The following MOK variants were observed in gnomAD, a reference collection of about 807,000 sequenced individuals.
The protein encoded by MOK is MOK protein kinase, also known as MAPK/MAK/MRK overlapping kinase.
In MOK, 59 loss-of-function variants were observed where a neutral mutation model predicts 54.2. The ratio of observed to expected loss-of-function variants is 1.09; its 90% CI spans 0.88 to 1.35. The LOEUF is 1.35. MOK is among the 40% of genes most tolerant of loss of function. The probability of loss-of-function intolerance (pLI) is 0.00; values close to 1 mark genes in which losing one functional copy is unlikely to be tolerated. For missense variants in MOK, 517 were observed against 526.2 expected (o/e 0.98, Z 0.17); for synonymous variants, 210 against 202.7 (o/e 1.04, Z -0.31).
chr14:102,217,307 A>G, the MOK span, among the ~76,000 whole-genome samples: 1 of 152,194 alleles, frequency 6.6e-6, no homozygotes, highest in East Asian at 1.9e-4. Flanking sequence ...TGACTTGCAC[A>G]CGTTCTCTCT....
chr14:102,245,807 C>T lies in MOK; in HGVS notation c.590+5005G>A, dbSNP rs1178717547. ...ACTGCAGCCAAACTCTCAGGACATA[C>T]CCCCTAGTATCACCTTTCCAGGTTA... On this transcript the variant is annotated intron_variant, in intron 7 of 11. Transcript: ENST00000361847. This position sits in a 1 kb window ranked among gnomAD's most constrained non-coding sequence, Gnocchi z 4.3. 2.0e-5 allele frequency among the ~76,000 whole-genome samples: 3 copies of T among 152,126 alleles called. No homozygotes were observed. The highest frequency in any genetic ancestry group is 1.3e-4 in the Admixed American group (2 of 15,278).
At chr14:102,234,268 C>A (rs2065016441) in intron 7 of MOK, 1 of 161,068 alleles carries the variant, frequency 6.2e-6, no homozygotes. Flanking sequence ...CTCCCTCCCT[C>A]CCCTATCACC....
chr14:102,229,397 C>G (rs1251472185), intron 11 of MOK, 31 bp from the exon 12 acceptor site: 1 of 1,614,142 alleles, frequency 6.2e-7, no homozygotes, highest in East Asian at 2.2e-5. Flanking sequence ...ACACAAAATT[C>G]AGTGGCGGCC....
chr14:102,262,171 A>T (rs1279563659), intron 4 of MOK, among the ~76,000 whole-genome samples: 1 of 151,930 alleles, frequency 6.6e-6, no homozygotes, highest in African/African-American at 2.4e-5. Context: ...TTTGAGACAG[A>T]GTCTCGCTCT....
At chr14:102,256,347 G>A (rs563340990) in intron 4 of MOK, among the ~76,000 whole-genome samples, 3 of 151,850 alleles carry the variant, frequency 2.0e-5, no homozygotes, top group Non-Finnish European at 4.4e-5. Context: ...GGCGGATCAC[G>A]AGGTCAGGAG....
At chr14:102,283,423 T>C in intron 2 of MOK, 55 bp downstream of exon 2, 1 of 1,151,980 alleles carries the variant, frequency 8.7e-7, no homozygotes, top group Non-Finnish European at 1.3e-6. Flanking sequence ...TAAGTTGCCG[T>C]TATTGACTGA....
downstream of MOK, among the ~76,000 whole-genome samples, chr14:102,221,711 G>A (rs975407193): frequency 6.6e-6 from 1 of 152,200 alleles, no homozygotes; most frequent in Admixed American, 6.5e-5. The surrounding 1 kb of genome is among the most constrained non-coding windows in gnomAD (Gnocchi z 4.8). Flanking sequence ...CCAGGCTTCC[G>A]GCAGCAGGGC....
intron 7 of MOK, among the ~76,000 whole-genome samples, chr14:102,239,889 C>CAA (rs201282389): frequency 6.6e-6 from 1 of 150,942 alleles, no homozygotes; most frequent in African/African-American, 2.4e-5. Flanking sequence ...AAAAATCAAA[C>CAA]AAAAAAAAAC....
chr14:102,261,418 AATAT>A (rs1197835093), intron 4 of MOK, among the ~76,000 whole-genome samples: 4,780 of 42,566 alleles, frequency 0.11, 318 homozygotes, highest in Middle Eastern at 0.23. Context: ...AAAAAAAAAA[AATAT>A]ATATATATAT....
At position 102,232,670 on chromosome 14, in the gene MOK, C is replaced by A; in HGVS notation, c.731G>T (p.Gly244Val). The part of the protein sequence containing the change: ...AMNFDFPFKK[G>V]SGIPLLTTNL... ...GGTTGTTAGTAGAGGTATTCCTGAT[C>A]CCTTTTTAAAAGGAAAATCAAAATT... The change falls in exon 9 of 12, where the codon GGA (glycine) becomes GTA (valine). Residue 244 changes from glycine (G) to valine (V), a missense_variant. By Grantham distance (109) the Gly-to-Val change is moderately radical (BLOSUM62 -3). Transcript: ENST00000361847. This position sits in a 1 kb window ranked among gnomAD's most constrained non-coding sequence, Gnocchi z 5.1. The A allele has an allele frequency of 6.2e-7, 1 of 1,613,780 alleles. No homozygotes were observed. Among genetic ancestry groups the A allele is most frequent in the Non-Finnish European group, 8.5e-7 (1 of 1,179,820 alleles).
At chr14:102,293,883 G>A (rs1301152578) in intron 1 of MOK, among the ~76,000 whole-genome samples, 1 of 152,094 alleles carries the variant, frequency 6.6e-6, no homozygotes, top group Admixed American at 6.6e-5. Context: ...TGTGTGTAAA[G>A]GTGAACATTT....
intron 1 of MOK, among the ~76,000 whole-genome samples, chr14:102,300,995 T>C (rs2072128516): frequency 6.6e-6 from 1 of 152,170 alleles, no homozygotes; most frequent in Non-Finnish European, 1.5e-5. Context: ...CTCAGGAGGC[T>C]GAGACAGGAG....
At chr14:102,223,438 G>A (rs568407728), downstream of MOK, 1 of 152,844 alleles carries the variant, frequency 6.5e-6, no homozygotes, top group South Asian at 2.1e-4. Context: ...TTACTTTGCA[G>A]ATGGGTGTAA....
intron 1 of MOK, among the ~76,000 whole-genome samples, chr14:102,298,722 C>G (rs1485659305): frequency 6.6e-6 from 1 of 152,166 alleles, no homozygotes; most frequent in African/African-American, 2.4e-5. Context: ...ATGCTCCAGT[C>G]CCCTTCCACA....
intron 2 of MOK, among the ~76,000 whole-genome samples, chr14:102,267,391 CCCCGT>C (rs1459551670): frequency 6.6e-6 from 1 of 152,044 alleles, no homozygotes; most frequent in Non-Finnish European, 1.5e-5. Context: ...CATGGTGAAA[CCCCGT>C]CTCTACTAAA....
chr14:102,278,548 C>A, intron 2 of MOK: 1 of 408,498 alleles, frequency 2.4e-6, no homozygotes, highest in South Asian at 1.8e-5. Context: ...ACGTTGGCAT[C>A]AGCATCTGCA....
the MOK span, among the ~76,000 whole-genome samples, chr14:102,216,294 C>T: frequency 6.6e-6 from 1 of 152,208 alleles, no homozygotes; most frequent in Non-Finnish European, 1.5e-5. Flanking sequence ...GGGCTCTGTT[C>T]TTAGCACTGA....
At position 102,232,004 on chromosome 14, in the gene MOK, AG is replaced by A; in HGVS notation, c.867-184del. On this transcript the variant is annotated intron_variant, in intron 9 of 11. Transcript: ENST00000361847. This position sits in a 1 kb window ranked among gnomAD's most constrained non-coding sequence, Gnocchi z 5.1. ...GTCTCAGCCTGACAGTCTCTGGGCC[AG>A]GAACAGAGCTGGCTCCATGAATCAG... 1.9e-6 allele frequency: 1 copy of A among 534,698 alleles called. No individual in the cohort carries two copies. The highest frequency in any genetic ancestry group is 2.7e-5 in the South Asian group (1 of 36,978). The allele number at this position is 534,698 out of a possible 1,614,324, so 33.1% of individuals were successfully genotyped here.
chr14:102,252,092 A>G, intron 4 of MOK, 97 bp from the exon 5 acceptor site: 1 of 744,560 alleles, frequency 1.3e-6, no homozygotes, highest in South Asian at 1.8e-5. Context: ...AATGTGTGAA[A>G]ATCTAAGTTC....
Sources: gnomAD v4.1 joint callset for allele counts (sites outside exome capture counted in the v4.1 genomes callset) on GRCh38, gnomAD v4.1.1 for gene constraint, Gnocchi (gnomAD v3.1) non-coding constraint, MANE v1.5 for transcripts, NCBI Gene and HGNC (gene_info 2026-07-23, HGNC 2026-07-21) for gene names.